Variants in SOX6 observed in about 807,000 individuals in gnomAD.
SOX6 encodes transcription factor SOX-6.
Under a neutral mutation model 97.8 loss-of-function variants are expected in SOX6, and 11 were observed. That is an observed-to-expected ratio of 0.11 (90% CI 0.07 to 0.19). SOX6 has a LOEUF of 0.19. SOX6 is among the 10% of genes least tolerant of loss of function. The probability of loss-of-function intolerance (pLI) is 1.00; values close to 1 mark genes in which losing one functional copy is unlikely to be tolerated. For missense variants in SOX6, 810 were observed against 1,039.5 expected, an observed-to-expected ratio of 0.78 and a Z score of 3.04; for synonymous variants, 360 against 371.4, an observed-to-expected ratio of 0.97 and a Z score of 0.35.
At chr11:16,726,603 T>C (rs758066856) in intron 2 of SOX6, among the ~76,000 whole-genome samples, 1 of 152,176 alleles carries the variant, frequency 6.6e-6, no homozygotes, top group Non-Finnish European at 1.5e-5. Flanking sequence ...ACATGTGATA[T>C]AACAATTTAT....
chr11:16,104,137 A>C (rs902481284), intron 7 of SOX6, among the ~76,000 whole-genome samples: 2 of 151,922 alleles, frequency 1.3e-5, no homozygotes, highest in African/African-American at 4.8e-5. Context: ...AGCTGAACAT[A>C]TTTTCTTCCT....
chr11:16,366,931 T>C (rs1661986545), intron 1 of SOX6, among the ~76,000 whole-genome samples: 1 of 152,118 alleles, frequency 6.6e-6, no homozygotes, highest in Admixed American at 6.6e-5. Context: ...AATTAAATAA[T>C]CAATAACTCT....
intron 2 of SOX6, among the ~76,000 whole-genome samples, chr11:16,715,471 T>A (rs1471213361): frequency 1.3e-5 from 2 of 152,146 alleles, no homozygotes; most frequent in Non-Finnish European, 1.5e-5. Flanking sequence ...TTAAGTTAGT[T>A]TTTGGTGTTT....
chr11:16,280,079 T>C (rs1292510944), intron 3 of SOX6, among the ~76,000 whole-genome samples: 1 of 152,112 alleles, frequency 6.6e-6, no homozygotes, highest in Non-Finnish European at 1.5e-5. Context: ...AAAAAGGCCA[T>C]TTCTTTCTCA....
intron 4 of SOX6, among the ~76,000 whole-genome samples, chr11:16,524,225 C>T (rs1861118597): frequency 6.6e-6 from 1 of 151,714 alleles, no homozygotes; most frequent in South Asian, 2.1e-4. Context: ...TGCAAAAATC[C>T]TCAATAAAAT....
intron 3 of SOX6, among the ~76,000 whole-genome samples, chr11:16,292,519 G>T (rs963840220): frequency 6.6e-5 from 10 of 152,098 alleles, no homozygotes; most frequent in African/African-American, 2.4e-4. Context: ...AAAAAAGAAA[G>T]CAGTGGTCAA....
chr11:16,604,674 C>G (rs1467049394), intron 4 of SOX6, among the ~76,000 whole-genome samples: 1 of 152,212 alleles, frequency 6.6e-6, no homozygotes, highest in African/African-American at 2.4e-5. Flanking sequence ...GGGTCTCACA[C>G]ACAAAAGCAG....
At chr11:16,592,521 T>C (rs1848165595) in intron 4 of SOX6, among the ~76,000 whole-genome samples, 1 of 151,956 alleles carries the variant, frequency 6.6e-6, no homozygotes, top group African/African-American at 2.4e-5. Flanking sequence ...TAAATACATA[T>C]ATTAAATAGA....
chr11:16,065,078 T>A (rs540790922), intron 9 of SOX6, among the ~76,000 whole-genome samples: 30 of 152,012 alleles, frequency 2.0e-4, no homozygotes, highest in Non-Finnish European at 4.0e-4. Flanking sequence ...AGTCAAATTA[T>A]CCTTGTTTAC....
At chr11:16,096,758 T>C (rs1848807300) in intron 8 of SOX6, among the ~76,000 whole-genome samples, 1 of 151,918 alleles carries the variant, frequency 6.6e-6, no homozygotes, top group Non-Finnish European at 1.5e-5. Context: ...TATAGTATAT[T>C]TTAAGAATAA....
intron 9 of SOX6, among the ~76,000 whole-genome samples, chr11:16,084,207 A>G (rs1848531187): frequency 6.6e-6 from 1 of 152,056 alleles, no homozygotes; most frequent in South Asian, 2.1e-4. Flanking sequence ...CAGTATATAT[A>G]TGTACATACA....
intron 9 of SOX6, among the ~76,000 whole-genome samples, chr11:16,071,962 G>A (rs1848236547): frequency 6.6e-6 from 1 of 151,264 alleles, no homozygotes; most frequent in Non-Finnish European, 1.5e-5. Flanking sequence ...AAAGACTGAA[G>A]GAACATCAGC....
chr11:16,292,718 C>T (rs567318453), intron 3 of SOX6, among the ~76,000 whole-genome samples: 1 of 152,308 alleles, frequency 6.6e-6, no homozygotes, highest in Admixed American at 6.5e-5. Flanking sequence ...GAAAGTGCCA[C>T]TGTGCCATGC....
intron 1 of SOX6, among the ~76,000 whole-genome samples, chr11:16,423,129 T>C (rs1859053016): frequency 6.6e-6 from 1 of 152,186 alleles, no homozygotes. Context: ...ATCTCCAAAT[T>C]CCCTTTTATT....
rs146665816 is a variant in SOX6 at position 16,620,576 on chromosome 11, C to T, written n.430-8316G>A. Among the ~76,000 whole-genome samples, 875 of 152,268 alleles carry T rather than the reference C, an allele frequency of 5.7e-3. 6 individuals are homozygous for T. The highest frequency in any genetic ancestry group is 9.0e-3 in the Non-Finnish European group (613 of 68,026). On this transcript the variant is annotated intron_variant and non_coding_transcript_variant, in intron 3 of 5. Transcript: ENST00000524520. ...ATGCCACCATGCCTGGCTTGGAAAA[C>T]TCTTTAAGTACAAGATGTATTCAAG... is the stretch of plus-strand genomic sequence containing the variant.
At chr11:16,196,011 C>T (rs574481579) in intron 4 of SOX6, among the ~76,000 whole-genome samples, 3 of 152,172 alleles carry the variant, frequency 2.0e-5, no homozygotes, top group Non-Finnish European at 4.4e-5. Context: ...TACAAACATA[C>T]CACATACTGT....
intron 12 of SOX6, among the ~76,000 whole-genome samples, chr11:16,034,829 A>G (rs1044628761): frequency 6.6e-6 from 1 of 152,170 alleles, no homozygotes; most frequent in African/African-American, 2.4e-5. Flanking sequence ...CTACAGACAT[A>G]CAAATGCAGA....
intron 4 of SOX6, among the ~76,000 whole-genome samples, chr11:16,586,586 G>A (rs1848096180): frequency 6.6e-6 from 1 of 152,118 alleles, no homozygotes; most frequent in Non-Finnish European, 1.5e-5. Context: ...TGGACATGGT[G>A]GTGTTCACCT....
At chr11:16,305,733 G>C (rs1466091104) in intron 3 of SOX6, among the ~76,000 whole-genome samples, 2 of 151,968 alleles carry the variant, frequency 1.3e-5, no homozygotes, top group African/African-American at 4.8e-5. Flanking sequence ...AAATTTTTAA[G>C]TATGAACTTC....
Sources: allele counts gnomAD v4.1 joint callset (sites outside exome capture counted in the v4.1 genomes callset), GRCh38; gene constraint gnomAD v4.1.1; transcripts MANE v1.5; gene names NCBI Gene and HGNC (gene_info 2026-07-23, HGNC 2026-07-21).